Variants in KCNMB2 observed in about 807,000 individuals in gnomAD.
The protein encoded by KCNMB2 is calcium-activated potassium channel subunit beta-2.
A neutral mutation model predicts 24.5 loss-of-function variants in KCNMB2; 9 were observed. That is an observed-to-expected ratio of 0.37 (90% confidence interval 0.22 to 0.64). The LOEUF (loss-of-function observed/expected upper bound fraction) is 0.64, where lower values mean the gene tolerates loss of function less well. KCNMB2 is among the 30% of genes least tolerant of loss of function. The pLI is 0.63. For missense variants in KCNMB2, 226 were observed against 284.3 expected, an observed-to-expected ratio of 0.79 and a Z score of 1.47; for synonymous variants, 109 against 104.4, an observed-to-expected ratio of 1.04 and a Z score of -0.27.
intron 1 of KCNMB2, among the ~76,000 whole-genome samples, chr3:178,692,241 A>G (rs1463779508): frequency 6.6e-6 from 1 of 152,154 alleles, no homozygotes; most frequent in Non-Finnish European, 1.5e-5. Flanking sequence ...GAAGCTCTTT[A>G]ATTTAATTAG....
chr3:178,771,175 A>G (rs1471853254), intron 1 of KCNMB2, among the ~76,000 whole-genome samples: 2 of 152,148 alleles, frequency 1.3e-5, no homozygotes, highest in Non-Finnish European at 2.9e-5. Flanking sequence ...CCAGTCCTCA[A>G]AATAGATTCA....
intron 1 of KCNMB2, among the ~76,000 whole-genome samples, chr3:178,778,521 C>A: frequency 6.7e-6 from 1 of 149,264 alleles, no homozygotes; most frequent in East Asian, 2.0e-4. Flanking sequence ...AGGCTCACTC[C>A]CTGCATCATA....
intron 1 of KCNMB2, among the ~76,000 whole-genome samples, chr3:178,579,352 TG>T (rs1180040620): frequency 6.6e-6 from 1 of 152,138 alleles, no homozygotes; most frequent in Admixed American, 6.5e-5. Context: ...CAAGAATCTC[TG>T]GGACACAGCT....
chr3:178,651,107 G>A (rs1720103338), intron 1 of KCNMB2, among the ~76,000 whole-genome samples: 1 of 152,174 alleles, frequency 6.6e-6, no homozygotes, highest in Non-Finnish European at 1.5e-5. Flanking sequence ...TAGGAAGAGA[G>A]GAAGTCAAAT....
rs946092556 is a variant in KCNMB2, at chr3:178,721,146, T to G, written c.-67-86197T>G. 1.3e-5 allele frequency among the ~76,000 whole-genome samples: 2 copies of G among 152,214 alleles called. 1 individual carries two copies. Among genetic ancestry groups the G allele is most frequent in the African/African-American group, 4.8e-5 (2 of 41,440 alleles). On this transcript the variant is annotated intron_variant, in intron 1 of 4. Coordinates refer to ENST00000452583, the MANE Select transcript of KCNMB2 (RefSeq NM_181361.3). ...GTCTTTAATCTACCTTGAATTAATTTTTGTATAAGGTGTAAGGAAGGGATC... is the reference window on the plus strand; with the variant it reads ...GTCTTTAATCTACCTTGAATTAATTGTTGTATAAGGTGTAAGGAAGGGATC...
At chr3:178,601,736 T>C (rs958117901) in intron 1 of KCNMB2, among the ~76,000 whole-genome samples, 1 of 152,202 alleles carries the variant, frequency 6.6e-6, no homozygotes, top group Non-Finnish European at 1.5e-5. Flanking sequence ...AAATTCTGCA[T>C]TGTGCTTTGA....
At chr3:178,705,441 G>A (rs1722245845) in intron 1 of KCNMB2, among the ~76,000 whole-genome samples, 1 of 152,102 alleles carries the variant, frequency 6.6e-6, no homozygotes, top group African/African-American at 2.4e-5. Flanking sequence ...CCAAGAACTT[G>A]TATCAGGTAC....
intron 1 of KCNMB2, among the ~76,000 whole-genome samples, chr3:178,601,517 A>C (rs1380213707): frequency 6.6e-6 from 1 of 152,180 alleles, no homozygotes; most frequent in African/African-American, 2.4e-5. Context: ...AGGTCAGTGA[A>C]TATCCCTGTC....
chr3:178,715,214 T>C (rs977340348), intron 1 of KCNMB2, among the ~76,000 whole-genome samples: 4 of 152,204 alleles, frequency 2.6e-5, no homozygotes, highest in Non-Finnish European at 5.9e-5. Flanking sequence ...CAGCTGTCTG[T>C]CTGCTTTTAG....
chr3:178,730,264 G>T (rs1426431409), intron 1 of KCNMB2, among the ~76,000 whole-genome samples: 1 of 152,056 alleles, frequency 6.6e-6, no homozygotes, highest in African/African-American at 2.4e-5. Context: ...TGCATAACTT[G>T]CTCATGATAC....
chr3:178,615,662 G>A (rs184124870), intron 1 of KCNMB2, among the ~76,000 whole-genome samples: 19 of 152,272 alleles, frequency 1.2e-4, no homozygotes, highest in African/African-American at 4.6e-4. Context: ...GGACTCACCT[G>A]TCAGGGCAAT....
At chr3:178,754,177 T>TATACAC (rs1435109631) in intron 1 of KCNMB2, among the ~76,000 whole-genome samples, 9,510 of 116,388 alleles carry the variant, frequency 0.082, 412 homozygotes, top group Non-Finnish European at 0.1. Context: ...TATATATATA[T>TATACAC]ACACACACAC....
Position 178,581,230 on chromosome 3 carries a change from G to A in KCNMB2, c.-68+44519G>A, listed in dbSNP as rs370870466. 7.2e-5 allele frequency among the ~76,000 whole-genome samples: 11 copies of A among 152,158 alleles called. 1 individual carries two copies. The highest frequency in any genetic ancestry group is 2.6e-4 in the African/African-American group (11 of 41,520). ...TAACATCACACATCTACAACCATCT[G>A]GTCTTTGACAGACGTGACAAAAACA... On this transcript the variant is annotated intron_variant, in intron 1 of 4. Coordinates refer to ENST00000452583, the MANE Select transcript of KCNMB2 (RefSeq NM_181361.3).
intron 1 of KCNMB2, among the ~76,000 whole-genome samples, chr3:178,744,213 C>T (rs1723587332): frequency 6.6e-6 from 1 of 152,174 alleles, no homozygotes. Flanking sequence ...GGCATTCTGC[C>T]TGATAAATTG....
intron 1 of KCNMB2, among the ~76,000 whole-genome samples, chr3:178,675,255 A>G (rs552699531): frequency 1.3e-5 from 2 of 152,388 alleles, no homozygotes; most frequent in African/African-American, 2.4e-5. Flanking sequence ...CATTTGTGAA[A>G]AGCCTGGTGT....
intron 1 of KCNMB2, among the ~76,000 whole-genome samples, chr3:178,557,025 T>A (rs1217464327): frequency 6.6e-6 from 1 of 152,066 alleles, no homozygotes. Context: ...CATTTGCAGG[T>A]TTGAGGGAAG....
chr3:178,760,517 T>C (rs1319215586), intron 1 of KCNMB2, among the ~76,000 whole-genome samples: 2 of 146,250 alleles, frequency 1.4e-5, no homozygotes, highest in Non-Finnish European at 3.0e-5. Context: ...CGTGTGTGTG[T>C]GTGTGTGTGT....
At chr3:178,581,371 A>G (rs935119436) in intron 1 of KCNMB2, among the ~76,000 whole-genome samples, 1 of 152,226 alleles carries the variant, frequency 6.6e-6, no homozygotes, top group African/African-American at 2.4e-5. Context: ...TTAACTCAAG[A>G]TGGATTAAAG....
intron 1 of KCNMB2, among the ~76,000 whole-genome samples, chr3:178,660,535 T>C (rs952483755): frequency 6.6e-6 from 1 of 152,176 alleles, no homozygotes; most frequent in Non-Finnish European, 1.5e-5. Context: ...GCCATGTCTC[T>C]CAGAGCTGAC....
Sources: allele counts gnomAD v4.1 joint callset (sites outside exome capture counted in the v4.1 genomes callset), GRCh38; gene constraint gnomAD v4.1.1; transcripts MANE v1.5; gene names NCBI Gene and HGNC (gene_info 2026-07-23, HGNC 2026-07-21).